BCKDHB: variants seen among roughly 807,000 people sequenced by gnomAD.
BCKDHB encodes 2-oxoisovalerate dehydrogenase subunit beta, mitochondrial.
BCKDHB carries 41 observed loss-of-function variants against 48.5 expected under a neutral mutation model. That is an observed-to-expected ratio of 0.85 (90% CI 0.66 to 1.10). BCKDHB has a LOEUF of 1.10. Among genes scored for constraint, BCKDHB ranks in the 50% least tolerant of loss-of-function variants. BCKDHB has a pLI of 0.00. For synonymous variants in BCKDHB, 201 were observed against 174.8 expected, an observed-to-expected ratio of 1.15 and a Z score of -1.18; for missense variants, 496 against 494.2, an observed-to-expected ratio of 1.00 and a Z score of -0.03.
Position 80,168,912 on chromosome 6 carries a change from G to A in BCKDHB, c.515G>A (p.Gly172Glu). The change falls in exon 5 of 10, where the codon GGG becomes GAG. Residue 172 changes from glycine (G) to glutamate (E), a missense_variant. Transcript: ENST00000320393. Reference sequence around the variant, plus strand: ...GCTGCCAAGTATCGCTATCGCTCTGGGGATCTTTTTAACTGTGGAAGCCTC... The same window carrying A: ...GCTGCCAAGTATCGCTATCGCTCTGAGGATCTTTTTAACTGTGGAAGCCTC... Reference protein sequence around the residue: ...NEAAKYRYRSGDLFNCGSLTI... With the variant: ...NEAAKYRYRSEDLFNCGSLTI... 3.1e-6 allele frequency: 5 copies of A among 1,614,112 alleles called. No homozygotes were observed. The highest frequency in any genetic ancestry group is 1.1e-5 in the South Asian group (1 of 91,068).
intron 9 of BCKDHB, among the ~76,000 whole-genome samples, chr6:80,307,007 G>A (rs1205013811): frequency 6.6e-6 from 1 of 152,146 alleles, no homozygotes; most frequent in African/African-American, 2.4e-5. Flanking sequence ...TCCCAGATAT[G>A]TTCCTCATAT....
At chr6:80,126,672 G>A (rs1184216881) in intron 1 of BCKDHB, among the ~76,000 whole-genome samples, 1 of 152,130 alleles carries the variant, frequency 6.6e-6, no homozygotes, top group African/African-American at 2.4e-5. Context: ...GCTCTGAATT[G>A]TAATTTTGCA....
the BCKDHB span, among the ~76,000 whole-genome samples, chr6:80,442,926 C>T: frequency 1.3e-5 from 2 of 152,120 alleles, no homozygotes; most frequent in African/African-American, 4.8e-5. Context: ...TGGAAATGAG[C>T]AGCTATTGTA....
chr6:80,411,153 T>G, the BCKDHB span, among the ~76,000 whole-genome samples: 1 of 152,194 alleles, frequency 6.6e-6, no homozygotes, highest in South Asian at 2.1e-4. Context: ...CTTTTGTTGA[T>G]GTTGATGCTG....
chr6:80,384,143 A>G, the BCKDHB span, among the ~76,000 whole-genome samples: 1 of 152,104 alleles, frequency 6.6e-6, no homozygotes, highest in African/African-American at 2.4e-5. Context: ...TTGTCAAAGG[A>G]GATTAACATT....
the BCKDHB span, among the ~76,000 whole-genome samples, chr6:80,415,989 T>C: frequency 6.6e-6 from 1 of 152,068 alleles, no homozygotes; most frequent in African/African-American, 2.4e-5. Context: ...TTCTTCCTGG[T>C]TCTGTTTTGG....
intron 8 of BCKDHB, among the ~76,000 whole-genome samples, chr6:80,265,298 A>T (rs769954115): frequency 1.3e-4 from 20 of 152,144 alleles, no homozygotes; most frequent in Non-Finnish European, 2.2e-4. Flanking sequence ...AGGTAAAAGG[A>T]ACTTAAGCAT....
chr6:80,328,567 C>T (rs945674556), intron 9 of BCKDHB, among the ~76,000 whole-genome samples: 7 of 152,050 alleles, frequency 4.6e-5, no homozygotes, highest in African/African-American at 1.2e-4. Context: ...TATCTAGAGG[C>T]GACATAGTAG....
chr6:80,263,767 A>G (rs1430906903), intron 8 of BCKDHB, among the ~76,000 whole-genome samples: 1 of 152,152 alleles, frequency 6.6e-6, no homozygotes, highest in Non-Finnish European at 1.5e-5. Flanking sequence ...TGCTTAAAAC[A>G]GCAGTGTAAA....
chr6:80,355,820 G>A, the BCKDHB span: 1 of 152,166 alleles, frequency 6.6e-6, no homozygotes, highest in East Asian at 1.9e-4. Context: ...ATCTGCTGCC[G>A]GTAGCTATGG....
intron 9 of BCKDHB, among the ~76,000 whole-genome samples, chr6:80,284,736 T>G (rs1303312442): frequency 6.6e-6 from 1 of 152,138 alleles, no homozygotes. Context: ...AAACCTATAT[T>G]TGTATCATCC....
chr6:80,152,681 TATTATTAGTTGTA>T (rs1771849200), intron 3 of BCKDHB, among the ~76,000 whole-genome samples: 1 of 152,190 alleles, frequency 6.6e-6, no homozygotes, highest in Non-Finnish European at 1.5e-5. Flanking sequence ...GTAGTTGATT[TATTATTAGTTGTA>T]ATATATCTTC....
At chr6:80,177,073 A>G (rs538369103) in intron 6 of BCKDHB, among the ~76,000 whole-genome samples, 2 of 152,080 alleles carry the variant, frequency 1.3e-5, no homozygotes, top group South Asian at 4.2e-4. Flanking sequence ...CAAAAAATGC[A>G]AAATGTAGCC....
chr6:80,384,842 A>G, the BCKDHB span, among the ~76,000 whole-genome samples: 4 of 152,160 alleles, frequency 2.6e-5, no homozygotes, highest in African/African-American at 7.2e-5. Flanking sequence ...GTGGTTCTAG[A>G]GGAACAAAAT....
At chr6:80,406,315 A>G in the BCKDHB span, among the ~76,000 whole-genome samples, 3 of 152,182 alleles carry the variant, frequency 2.0e-5, no homozygotes, top group African/African-American at 7.2e-5. Context: ...TAGTAGCATG[A>G]TTTATAATCC....
At chr6:80,371,992 G>A in the BCKDHB span, among the ~76,000 whole-genome samples, 1 of 151,716 alleles carries the variant, frequency 6.6e-6, no homozygotes, top group African/African-American at 2.4e-5. Flanking sequence ...TATGAATTTT[G>A]GATTGTTTTT....
At chr6:80,462,860 A>G in the BCKDHB span, 1 of 152,150 alleles carries the variant, frequency 6.6e-6, no homozygotes, top group Non-Finnish European at 1.5e-5. Flanking sequence ...GCTTGAAATT[A>G]TTTGTCTATA....
the BCKDHB span, among the ~76,000 whole-genome samples, chr6:80,358,719 G>A: frequency 6.6e-6 from 1 of 152,166 alleles, no homozygotes; most frequent in Non-Finnish European, 1.5e-5. Flanking sequence ...AGGGATCATG[G>A]GAAGGGGAGA....
At chr6:80,110,013 T>C (rs774953348) in intron 1 of BCKDHB, among the ~76,000 whole-genome samples, 5 of 152,228 alleles carry the variant, frequency 3.3e-5, no homozygotes, top group Non-Finnish European at 7.3e-5. Context: ...AACTTTCTGC[T>C]TTTCACATGT....
Sources: gnomAD v4.1 joint callset for allele counts (sites outside exome capture counted in the v4.1 genomes callset) on GRCh38, gnomAD v4.1.1 for gene constraint, MANE v1.5 for transcripts, NCBI Gene and HGNC (gene_info 2026-07-23, HGNC 2026-07-21) for gene names.